The following LRRC1 variants were observed in gnomAD, a reference collection of about 807,000 sequenced individuals.
The protein encoded by LRRC1 is leucine rich repeat containing 1.
A neutral mutation model predicts 69.9 loss-of-function variants in LRRC1; 28 were observed. The observed-to-expected ratio is 0.40, with a 90% confidence interval of 0.30 to 0.55. LRRC1 has a LOEUF of 0.55. Among genes scored for constraint, LRRC1 ranks in the 20% least tolerant of loss-of-function variants. LRRC1 has a pLI of 0.47. For missense variants in LRRC1, 498 were observed against 609.0 expected, an observed-to-expected ratio of 0.82 and a Z score of 1.92; for synonymous variants, 236 against 240.2, an observed-to-expected ratio of 0.98 and a Z score of 0.16.
rs201577963 is a variant in LRRC1, at chr6:53,863,762, T to G, written c.278-15231T>G. ...TAACAGAACAGTGTAATTTTTTTAA[T>G]GGGATCTGACACAGGATTGCTAACT... On this transcript the variant is annotated intron_variant, in intron 2 of 13. Coordinates refer to ENST00000370888, the MANE Select transcript of LRRC1 (RefSeq NM_018214.5). 7.2e-5 allele frequency among the ~76,000 whole-genome samples: 11 copies of G among 152,334 alleles called. No homozygotes were observed. The East Asian group carries it at 1.9e-3, about 27-fold the overall frequency.
At chr6:53,875,386 G>A (rs1767031681) in intron 2 of LRRC1, among the ~76,000 whole-genome samples, 2 of 151,970 alleles carry the variant, frequency 1.3e-5, no homozygotes, top group African/African-American at 4.8e-5. Context: ...AATGTAAGGT[G>A]CAAAAAACAA....
In LRRC1 at chr6:53,807,133, T is replaced by G. The variant is rs542180592; in HGVS notation, c.159+11718T>G. 7.2e-5 allele frequency among the ~76,000 whole-genome samples: 11 copies of G among 152,284 alleles called. No homozygotes were observed. The East Asian group carries it at 2.1e-3, about 29-fold the overall frequency. ...TTGAGGTGGCTTTGCAAGGAGTAAG[T>G]TAGGATCAAAGGCTACAGCTCTCTA... is the stretch of plus-strand genomic sequence containing the variant. On this transcript the variant is annotated intron_variant, in intron 1 of 13. Coordinates refer to ENST00000370888, the MANE Select transcript of LRRC1 (RefSeq NM_018214.5).
chr6:53,905,808 CAT>C (rs1768215153), intron 10 of LRRC1, among the ~76,000 whole-genome samples: 1 of 152,192 alleles, frequency 6.6e-6, no homozygotes, highest in Admixed American at 6.5e-5. Flanking sequence ...TATTCTGAAA[CAT>C]CCTTAATATG....
chr6:53,841,746 A>G (rs1025413284), intron 1 of LRRC1, among the ~76,000 whole-genome samples: 26 of 152,136 alleles, frequency 1.7e-4, no homozygotes, highest in African/African-American at 6.0e-4. Context: ...TTTTTAAAAG[A>G]CATTTTTACA....
At chr6:53,869,918 C>T (rs983135550) in intron 2 of LRRC1, among the ~76,000 whole-genome samples, 1 of 152,216 alleles carries the variant, frequency 6.6e-6, no homozygotes, top group African/African-American at 2.4e-5. Flanking sequence ...AATCAAGACT[C>T]TTTAACCCAC....
intron 2 of LRRC1, among the ~76,000 whole-genome samples, chr6:53,871,552 G>A (rs1375106466): frequency 2.6e-5 from 4 of 152,112 alleles, no homozygotes; most frequent in Non-Finnish European, 5.9e-5. Context: ...TGTCAGATGC[G>A]TAGTTTGCAA....
At chr6:53,809,862 C>T (rs1764741125) in intron 1 of LRRC1, among the ~76,000 whole-genome samples, 1 of 152,302 alleles carries the variant, frequency 6.6e-6, no homozygotes, top group East Asian at 1.9e-4. Context: ...TTATCTCACA[C>T]ATCAGGAAGC....
chr6:53,880,086 G>C (rs1319603058), intron 3 of LRRC1, among the ~76,000 whole-genome samples: 2 of 152,142 alleles, frequency 1.3e-5, no homozygotes, highest in Admixed American at 6.5e-5. Context: ...AAATTTCTGA[G>C]TCATCTCACC....
chr6:53,877,305 C>A (rs1562055563), intron 2 of LRRC1, among the ~76,000 whole-genome samples: 1 of 152,176 alleles, frequency 6.6e-6, no homozygotes, highest in Non-Finnish European at 1.5e-5. Context: ...CAATTTTCTC[C>A]TAGGCCTCTG....
intron 10 of LRRC1, among the ~76,000 whole-genome samples, chr6:53,913,007 C>T (rs1203366973): frequency 1.3e-5 from 2 of 152,124 alleles, no homozygotes; most frequent in African/African-American, 2.4e-5. Flanking sequence ...CTGTAAAAAC[C>T]ACCGCCAATT....
intron 1 of LRRC1, among the ~76,000 whole-genome samples, chr6:53,820,907 A>G (rs1204381809): frequency 2.6e-5 from 4 of 152,180 alleles, no homozygotes; most frequent in Admixed American, 6.5e-5. Context: ...AGCACTTACT[A>G]TGGGAACACT....
chr6:53,827,847 C>T (rs1401506286), intron 1 of LRRC1, among the ~76,000 whole-genome samples: 1 of 152,128 alleles, frequency 6.6e-6, no homozygotes, highest in African/African-American at 2.4e-5. Flanking sequence ...AAGATATGAG[C>T]AAGCATTTTA....
At chr6:53,873,747 G>A (rs1459909487) in intron 2 of LRRC1, among the ~76,000 whole-genome samples, 1 of 152,130 alleles carries the variant, frequency 6.6e-6, no homozygotes, top group Non-Finnish European at 1.5e-5. Context: ...TTTAGCTTCT[G>A]CTTTTCCAGT....
chr6:53,922,425 CT>C (rs1177397504), intron 13 of LRRC1, among the ~76,000 whole-genome samples: 1 of 151,992 alleles, frequency 6.6e-6, no homozygotes, highest in Non-Finnish European at 1.5e-5. Context: ...TCTATAGTAA[CT>C]AGGTAAGTTA....
chr6:53,902,601 G>GATA (rs1229419951), intron 8 of LRRC1, 28 bp from the exon 9 acceptor site: 4 of 1,313,684 alleles, frequency 3.0e-6, no homozygotes, highest in Non-Finnish European at 4.3e-6. Context: ...TAATGAATTT[G>GATA]ATAATAATAA....
At position 53,795,225 on chromosome 6, in the gene LRRC1, CG is replaced by C; in HGVS notation, c.-29del. Reference sequence around the variant, plus strand: ...GCTCGGAGCCCGGGTCTCCGCCGCTCGGGACCCGGCTAGGCGGCGGCGGGGG... The same window carrying C: ...GCTCGGAGCCCGGGTCTCCGCCGCTCGGACCCGGCTAGGCGGCGGCGGGGG... On this transcript the variant is annotated 5_prime_UTR_variant, in exon 1 of 14. Transcript: ENST00000370888. 1 of 1,570,058 alleles carries C rather than the reference CG, an allele frequency of 6.4e-7. No individual in the cohort carries two copies.
intron 4 of LRRC1, among the ~76,000 whole-genome samples, chr6:53,891,944 A>G (rs1767697684): frequency 6.6e-6 from 1 of 150,484 alleles, no homozygotes; most frequent in African/African-American, 2.5e-5. Context: ...GTGAGCCAAG[A>G]TCACACCACT....
intron 4 of LRRC1, among the ~76,000 whole-genome samples, chr6:53,891,873 T>C (rs1767695208): frequency 6.6e-6 from 1 of 151,774 alleles, no homozygotes; most frequent in Non-Finnish European, 1.5e-5. Context: ...ATGCCTGTAG[T>C]CCCAGCTACT....
intron 1 of LRRC1, among the ~76,000 whole-genome samples, chr6:53,819,633 T>C (rs1226107903): frequency 7.9e-5 from 12 of 152,152 alleles, no homozygotes; most frequent in Admixed American, 1.3e-4. Flanking sequence ...AGACTCTATA[T>C]GTATTTGAAG....
Sources: allele counts gnomAD v4.1 joint callset (sites outside exome capture counted in the v4.1 genomes callset), GRCh38; gene constraint gnomAD v4.1.1; transcripts MANE v1.5; gene names NCBI Gene and HGNC (gene_info 2026-07-23, HGNC 2026-07-21).